The following VPS45 variants were observed in gnomAD, a reference collection of about 807,000 sequenced individuals.
The protein encoded by VPS45 is vacuolar protein sorting 45 homolog.
Under a neutral mutation model 75.9 loss-of-function variants are expected in VPS45, and 35 were observed. The ratio of observed to expected loss-of-function variants is 0.46; its 90% CI spans 0.35 to 0.61. VPS45 has a LOEUF of 0.61. Among genes scored for constraint, VPS45 ranks in the 20% least tolerant of loss-of-function variants. VPS45 has a pLI of 0.00. For synonymous variants in VPS45, 220 were observed against 238.2 expected, an observed-to-expected ratio of 0.92 and a Z score of 0.70; for missense variants, 559 against 685.9, an observed-to-expected ratio of 0.81 and a Z score of 2.07.
intron 10 of VPS45, among the ~76,000 whole-genome samples, chr1:150,087,828 G>C (rs781882086): frequency 1.3e-5 from 2 of 152,082 alleles, no homozygotes; most frequent in African/African-American, 4.8e-5. Context: ...ATAATTACTC[G>C]CAGTAAGCCT....
intron 14 of VPS45, among the ~76,000 whole-genome samples, chr1:150,112,862 T>C (rs1553807431): frequency 6.6e-6 from 1 of 152,114 alleles, no homozygotes; most frequent in African/African-American, 2.4e-5. Flanking sequence ...TTGCCAGTTA[T>C]TACAAAGGAT....
intron 2 of VPS45, among the ~76,000 whole-genome samples, chr1:150,069,992 C>T (rs1460844192): frequency 1.3e-5 from 2 of 152,116 alleles, no homozygotes; most frequent in Non-Finnish European, 2.9e-5. Flanking sequence ...CCCTTTTGCA[C>T]TCTGCATCTT....
intron 13 of VPS45, among the ~76,000 whole-genome samples, chr1:150,102,268 G>A (rs1458156430): frequency 7.0e-6 from 1 of 142,552 alleles, no homozygotes; most frequent in Non-Finnish European, 1.5e-5. Context: ...ACACATGCAT[G>A]GCCAGGTTGG....
chr1:150,091,757 A>G (rs587726909), intron 10 of VPS45, among the ~76,000 whole-genome samples, 180 bp from the exon 11 acceptor site: 54 of 152,332 alleles, frequency 3.5e-4, no homozygotes, highest in African/African-American at 1.3e-3. Flanking sequence ...TCCTTATTTA[A>G]TTCTTACCTT....
chr1:150,114,864 A>C (rs371202207), intron 14 of VPS45, among the ~76,000 whole-genome samples: 1 of 150,728 alleles, frequency 6.6e-6, no homozygotes, highest in Admixed American at 6.7e-5. Flanking sequence ...AGCCGTGATC[A>C]TGTCACCACC....
chr1:150,077,014 C>T (rs960769296), intron 5 of VPS45, 30 bp downstream of exon 5: 18 of 1,613,492 alleles, frequency 1.1e-5, no homozygotes, highest in East Asian at 2.2e-5. Context: ...ATTTATCAGT[C>T]GAGAGTTAAT....
chr1:150,139,293 C>G (rs767663935), intron 14 of VPS45, among the ~76,000 whole-genome samples: 3 of 152,160 alleles, frequency 2.0e-5, no homozygotes, highest in Non-Finnish European at 4.4e-5. Context: ...AATCTCACCT[C>G]TTACTATCCA....
At chr1:150,107,245 G>A (rs1657380884) in intron 13 of VPS45, among the ~76,000 whole-genome samples, 1 of 152,120 alleles carries the variant, frequency 6.6e-6, no homozygotes, top group Non-Finnish European at 1.5e-5. Flanking sequence ...TGTCTAGTGG[G>A]CATCTCCATT....
intron 3 of VPS45, among the ~76,000 whole-genome samples, chr1:150,072,430 A>G (rs1655128499): frequency 1.3e-5 from 2 of 152,182 alleles, no homozygotes; most frequent in Non-Finnish European, 2.9e-5. Flanking sequence ...TGGGAGGCCA[A>G]GGCGGGCGGA....
intron 10 of VPS45, among the ~76,000 whole-genome samples, chr1:150,089,389 C>G (rs1011563102): frequency 4.6e-5 from 7 of 151,876 alleles, no homozygotes; most frequent in African/African-American, 1.5e-4. Flanking sequence ...GAGACAGTTT[C>G]ACTCTGTCGC....
chr1:150,120,106 C>CT (rs1658156830), intron 14 of VPS45, among the ~76,000 whole-genome samples: 1 of 1,130 alleles, frequency 8.8e-4, no homozygotes, highest in African/African-American at 3.8e-3. Flanking sequence ...GAAACTCCAT[C>CT]TAAAAAAAAA....
At chr1:150,123,593 G>T (rs1362868335) in intron 14 of VPS45, among the ~76,000 whole-genome samples, 3 of 152,172 alleles carry the variant, frequency 2.0e-5, no homozygotes, top group African/African-American at 7.2e-5. Flanking sequence ...CGAGCATCTT[G>T]GTTTGGATTT....
chr1:150,071,095 T>A (rs1655045357), intron 2 of VPS45, among the ~76,000 whole-genome samples: 2 of 152,146 alleles, frequency 1.3e-5, no homozygotes, highest in Non-Finnish European at 2.9e-5. Flanking sequence ...CTTTCCCCAT[T>A]AATAAGCAGT....
Position 150,126,220 on chromosome 1 carries a change from T to G in VPS45, c.1625+15593T>G, listed in dbSNP as rs587610125. On this transcript the variant is annotated intron_variant, in intron 14 of 14. Transcript: ENST00000644510. ...TTGTTGTTGGGTTTTTGTTTTGTTT[T>G]GTTTTTTTGAGACAGAGCCTCACTC... Among the ~76,000 whole-genome samples, 7 of 152,158 alleles carry G rather than the reference T, an allele frequency of 4.6e-5. No individual in the cohort carries two copies. In the South Asian group the frequency reaches 1.5e-3, roughly 32 times the overall value.
At chr1:150,143,868 CTTTG>C (rs1368431301) in intron 14 of VPS45, among the ~76,000 whole-genome samples, 1 of 152,268 alleles carries the variant, frequency 6.6e-6, no homozygotes, top group East Asian at 1.9e-4. Context: ...CCCTCTATAG[CTTTG>C]TTTCTTCGTT....
intron 7 of VPS45, among the ~76,000 whole-genome samples, chr1:150,078,316 A>T (rs1655509926): frequency 6.6e-6 from 1 of 152,180 alleles, no homozygotes; most frequent in Admixed American, 6.5e-5. Context: ...TGTGGGCTAA[A>T]CCTCTTATAA....
At position 150,067,933 on chromosome 1, in the gene VPS45, CTCATGGATAAAG is replaced by C; in HGVS notation, c.77_88del (p.Leu26_Glu30delinsGln). Reference sequence around the variant, plus strand: ...CAGCGGGCCTGGTATGAAAGTACTTCTCATGGATAAAGAGACGGTGAGTTTGCTTTTGCTCAG... The same window carrying C: ...CAGCGGGCCTGGTATGAAAGTACTTCAGACGGTGAGTTTGCTTTTGCTCAG... On this transcript the variant is annotated inframe_deletion, in exon 1 of 15. Transcript: ENST00000644510. The C allele has an allele frequency of 6.2e-7, 1 of 1,614,196 alleles. No individual in the cohort carries two copies. The highest frequency in any genetic ancestry group is 8.5e-7 in the Non-Finnish European group (1 of 1,180,002).
At chr1:150,116,087 A>G (rs1323177406) in intron 14 of VPS45, among the ~76,000 whole-genome samples, 2 of 152,218 alleles carry the variant, frequency 1.3e-5, no homozygotes, top group Non-Finnish European at 1.5e-5. Context: ...TTTTCACCTT[A>G]TATAATCTCC....
At chr1:150,122,641 G>A (rs782096460) in intron 14 of VPS45, among the ~76,000 whole-genome samples, 1 of 152,066 alleles carries the variant, frequency 6.6e-6, no homozygotes, top group Non-Finnish European at 1.5e-5. Flanking sequence ...CATTTGAAGT[G>A]TAAAATTCAG....
Sources: gnomAD v4.1 joint callset for allele counts (sites outside exome capture counted in the v4.1 genomes callset) on GRCh38, gnomAD v4.1.1 for gene constraint, MANE v1.5 for transcripts, NCBI Gene and HGNC (gene_info 2026-07-23, HGNC 2026-07-21) for gene names.